FGFR2: variants seen among roughly 807,000 people sequenced by gnomAD.
FGFR2 encodes the protein BEK fibroblast growth factor receptor.
FGFR2 carries 19 observed loss-of-function variants against 95.9 expected under a neutral mutation model. The ratio of observed to expected loss-of-function variants is 0.20; its 90% CI spans 0.14 to 0.29. FGFR2 has a LOEUF of 0.29. FGFR2 is among the 10% of genes least tolerant of loss of function. FGFR2 has a pLI of 1.00. For synonymous variants in FGFR2, 392 were observed against 393.3 expected (o/e 1.00, Z 0.04); for missense variants, 707 against 1,056.9 (o/e 0.67, Z 4.59).
chr10:121,544,376 G>A (rs1053779716), intron 5 of FGFR2, among the ~76,000 whole-genome samples: 5 of 151,266 alleles, frequency 3.3e-5, no homozygotes, highest in African/African-American at 9.7e-5. Flanking sequence ...CCTGGGAGGC[G>A]GAGGTTGCAG....
chr10:121,576,212 G>A (rs575330708), intron 2 of FGFR2, among the ~76,000 whole-genome samples: 3 of 152,068 alleles, frequency 2.0e-5, no homozygotes, highest in Admixed American at 1.3e-4. Flanking sequence ...TAAATAAATC[G>A]AGTCTTTTGT....
intron 6 of FGFR2, among the ~76,000 whole-genome samples, chr10:121,532,111 G>GA (rs1239624876): frequency 2.0e-5 from 3 of 152,164 alleles, no homozygotes; most frequent in Non-Finnish European, 4.4e-5. Context: ...CTCAGAGCAA[G>GA]AAATGGAAAA....
chr10:121,563,534 T>C (rs1189367604), intron 4 of FGFR2, among the ~76,000 whole-genome samples: 1 of 152,186 alleles, frequency 6.6e-6, no homozygotes, highest in Non-Finnish European at 1.5e-5. Flanking sequence ...TTTAGGAACA[T>C]TCTAGCCAAG....
chr10:121,533,569 AAAGC>A (rs1292839405), intron 6 of FGFR2, among the ~76,000 whole-genome samples: 2 of 152,236 alleles, frequency 1.3e-5, no homozygotes, highest in Middle Eastern at 3.2e-3. Flanking sequence ...TTCACGATTC[AAAGC>A]CAAATCGTCT....
At position 121,483,771 on chromosome 10, in the gene FGFR2, A is replaced by G; in HGVS notation, c.2228T>C (p.Val743Ala). 1 of 1,613,934 alleles carries G rather than the reference A, an allele frequency of 6.2e-7. No individual in the cohort carries two copies. Among genetic ancestry groups the G allele is most frequent in the Non-Finnish European group, 8.5e-7 (1 of 1,179,906 alleles). Reference sequence around the variant, plus strand: ...CTTGAACGTTGGTCTCTGGGAGGGCACTGCATGCCAACAGTCCCTCATCAT... The same window carrying G: ...CTTGAACGTTGGTCTCTGGGAGGGCGCTGCATGCCAACAGTCCCTCATCAT... ...YMMMRDCWHA[V>A]PSQRPTFKQL... Residue 743 changes from valine (V) to alanine (A), a missense_variant, in exon 17 of 18, where the codon GTG becomes GCG. Val to Ala is a moderately conservative substitution (Grantham distance 64). Transcript: ENST00000358487.
chr10:121,551,012 A>C (rs1160932665), intron 5 of FGFR2, among the ~76,000 whole-genome samples: 1 of 152,158 alleles, frequency 6.6e-6, no homozygotes, highest in Non-Finnish European at 1.5e-5. Context: ...CGAGGTCAGG[A>C]GATCAAGACC....
At chr10:121,596,129 T>TGAAAGCCCCAGC (rs1260898127) in intron 1 of FGFR2, among the ~76,000 whole-genome samples, 2 of 152,222 alleles carry the variant, frequency 1.3e-5, no homozygotes, top group African/African-American at 4.8e-5. Context: ...TGAGCCCCAG[T>TGAAAGCCCCAGC]GAAAGCCCCA....
At chr10:121,564,411 G>GC (rs1857377342) in intron 4 of FGFR2, 91 bp downstream of exon 4, 1 of 1,196,278 alleles carries the variant, frequency 8.4e-7, no homozygotes, top group African/African-American at 1.5e-5. Context: ...ACACAGCATG[G>GC]CGCAGAAGAG....
intron 2 of FGFR2, among the ~76,000 whole-genome samples, chr10:121,588,467 T>A (rs910880220): frequency 6.6e-6 from 1 of 151,732 alleles, no homozygotes; most frequent in Non-Finnish European, 1.5e-5. Context: ...AGAAGGCAAG[T>A]CAGGGAGGAA....
chr10:121,546,464 C>A (rs1854526668), intron 5 of FGFR2, among the ~76,000 whole-genome samples: 1 of 152,196 alleles, frequency 6.6e-6, no homozygotes, highest in South Asian at 2.1e-4. Context: ...TAATAACATC[C>A]AGCAAGACTT....
chr10:121,562,003 T>C (rs1445249908), intron 4 of FGFR2, among the ~76,000 whole-genome samples: 1 of 152,222 alleles, frequency 6.6e-6, no homozygotes, highest in East Asian at 1.9e-4. Flanking sequence ...ATTACACACC[T>C]ATCAGAATGG....
At chr10:121,511,722 C>T (rs1849079762) in intron 9 of FGFR2, among the ~76,000 whole-genome samples, 1 of 152,176 alleles carries the variant, frequency 6.6e-6, no homozygotes, top group Admixed American at 6.5e-5. Context: ...CAGGGAGATG[C>T]CACCTGCCAT....
chr10:121,567,869 C>CA (rs1310375551), intron 2 of FGFR2, among the ~76,000 whole-genome samples: 1 of 152,254 alleles, frequency 6.6e-6, no homozygotes, highest in Non-Finnish European at 1.5e-5. Flanking sequence ...ACAATATTTG[C>CA]AGTCTTGCCT....
chr10:121,537,458 T>A (rs1853017326), intron 6 of FGFR2, among the ~76,000 whole-genome samples: 1 of 152,210 alleles, frequency 6.6e-6, no homozygotes, highest in African/African-American at 2.4e-5. Flanking sequence ...TTTGGATTAT[T>A]TTTTTAGTGG....
intron 10 of FGFR2, 150 bp downstream of exon 10, chr10:121,503,640 A>G: frequency 1.2e-6 from 1 of 826,760 alleles, no homozygotes. Context: ...CTTTTCCAGG[A>G]GTTGGTTATT....
chr10:121,504,801 A>G (rs552181065), intron 9 of FGFR2, among the ~76,000 whole-genome samples: 2 of 144,984 alleles, frequency 1.4e-5, no homozygotes, highest in South Asian at 5.0e-4. Context: ...TTTCTTAAAT[A>G]TATCACTGTC....
chr10:121,520,254 G>A (rs1850341215), intron 6 of FGFR2, 85 bp from the exon 7 acceptor site: 3 of 1,382,220 alleles, frequency 2.2e-6, no homozygotes, highest in Non-Finnish European at 2.9e-6. Context: ...AGGGCTGTCA[G>A]TGACCTCATG....
Position 121,483,770 on chromosome 10 carries a change from C to T in FGFR2, c.2229G>A (p.Val743=), listed in dbSNP as rs771807547. The T allele has an allele frequency of 5.6e-6, 9 of 1,613,782 alleles. No homozygotes were observed. In the Admixed American group the frequency reaches 1.3e-4, roughly 24 times the overall value. ...YMMMRDCWHA[V]PSQRPTFKQL... ...GCTTGAACGTTGGTCTCTGGGAGGG[C>T]ACTGCATGCCAACAGTCCCTCATCA... Residue 743 remains valine, a synonymous_variant, in exon 17 of 18, where the codon GTG becomes GTA. Transcript: ENST00000358487.
rs1198499273 is a variant in FGFR2, at chr10:121,479,211, T to C, written c.*646A>G. 1 of 233,348 alleles carries C rather than the reference T, an allele frequency of 4.3e-6. No homozygotes were observed. The highest frequency in any genetic ancestry group is 2.2e-5 in the African/African-American group (1 of 45,344). 14.5% of individuals were successfully genotyped at this position (233,348 alleles called of 1,614,324 possible). ...CTTAAATTACAAAAAAAACTATAAA[T>C]GATTAATTGTTTTGTATATTACCAA... On this transcript the variant is annotated 3_prime_UTR_variant, in exon 18 of 18. Transcript: ENST00000358487.
Sources: gnomAD v4.1 joint callset for allele counts (sites outside exome capture counted in the v4.1 genomes callset) on GRCh38, gnomAD v4.1.1 for gene constraint, MANE v1.5 for transcripts, NCBI Gene and HGNC (gene_info 2026-07-23, HGNC 2026-07-21) for gene names.